The following MTNR1B variants were observed in gnomAD, a reference collection of about 807,000 sequenced individuals.
MTNR1B encodes melatonin receptor type 1B.
A neutral mutation model predicts 7.0 loss-of-function variants in MTNR1B; 7 were observed. The ratio of observed to expected loss-of-function variants is 1.00; its 90% confidence interval spans 0.57 to 1.88. The LOEUF is 1.88. Among genes scored for constraint, MTNR1B ranks in the 40% most tolerant of loss-of-function variants. The pLI is 0.00. For synonymous variants in MTNR1B, 226 were observed against 208.2 expected (o/e 1.09, Z -0.74); for missense variants, 478 against 486.5 (o/e 0.98, Z 0.16).
Position 92,982,045 on chromosome 11 carries a change from G to A in MTNR1B, c.822G>A (p.Val274=). The change falls in exon 2 of 2, where the codon GTG becomes GTA. Residue 274 remains valine, a synonymous_variant. Coordinates refer to ENST00000257068, the MANE Select transcript of MTNR1B (RefSeq NM_005959.5). ...WAPLNCIGLA[V]AINPQEMAPQ... is the part of the protein sequence containing the mutation. ...CACTTAACTGCATCGGCCTCGCTGT[G>A]GCCATCAACCCCCAAGAAATGGCTC... is the stretch of plus-strand genomic sequence containing the variant. 6.2e-7 allele frequency: 1 copy of A among 1,614,198 alleles called. No homozygotes were observed. The highest frequency in any genetic ancestry group is 1.1e-5 in the South Asian group (1 of 91,086).
At chr11:92,970,201 G>A (rs1038394331) in intron 1 of MTNR1B, among the ~76,000 whole-genome samples, 2 of 152,166 alleles carry the variant, frequency 1.3e-5, no homozygotes, top group Non-Finnish European at 2.9e-5. Context: ...GCGCTTTTTG[G>A]CCGGGCGCCG....
chr11:92,975,610 G>T (rs2136512442), intron 1 of MTNR1B, among the ~76,000 whole-genome samples: 2 of 152,300 alleles, frequency 1.3e-5, no homozygotes, highest in Middle Eastern at 3.4e-3. Flanking sequence ...CAGGTGCTTT[G>T]CTTCCCCGGT....
intron 1 of MTNR1B, among the ~76,000 whole-genome samples, chr11:92,974,774 T>C (rs1056213374): frequency 1.3e-5 from 2 of 152,160 alleles, no homozygotes; most frequent in Non-Finnish European, 2.9e-5. Flanking sequence ...GGCTAATTTT[T>C]TGTATTTTTA....
chr11:92,976,062 T>A (rs938969207), intron 1 of MTNR1B, among the ~76,000 whole-genome samples: 1 of 152,254 alleles, frequency 6.6e-6, no homozygotes, highest in Admixed American at 6.5e-5. Context: ...TTTAGCTGAA[T>A]AATCAGGAAA....
At chr11:92,976,664 C>G (rs959743711) in intron 1 of MTNR1B, among the ~76,000 whole-genome samples, 1 of 152,204 alleles carries the variant, frequency 6.6e-6, no homozygotes, top group Non-Finnish European at 1.5e-5. Context: ...AGAATTTGTT[C>G]TTGTTAATGT....
At chr11:92,972,597 G>A (rs1857949073) in intron 1 of MTNR1B, 1 of 454,334 alleles carries the variant, frequency 2.2e-6, no homozygotes, top group African/African-American at 2.0e-5. Context: ...AAAAGGTAAG[G>A]CCAAGTGTGT....
In MTNR1B at chr11:92,981,709, C is replaced by T; in HGVS notation, c.486C>T (p.Cys162=). ...GCTGGCACACCCCTCTGCACATCTG[C>T]CTCATCTGGCTCCTCACCGTGGTGG... is the stretch of plus-strand genomic sequence containing the variant. ...YRRWHTPLHI[C]LIWLLTVVAL... is the part of the protein sequence containing the mutation. Residue 162 remains cysteine (C), a synonymous_variant, in exon 2 of 2, where the codon TGC becomes TGT. Transcript: ENST00000257068. 1 of 1,614,222 alleles carries T rather than the reference C, an allele frequency of 6.2e-7. No homozygotes were observed. Among genetic ancestry groups the T allele is most frequent in the Non-Finnish European group, 8.5e-7 (1 of 1,180,040 alleles).
rs387906779 is a variant in MTNR1B at position 92,969,849 on chromosome 11, G to C, written c.124G>C (p.Ala42Pro). Reference sequence around the variant, plus strand: ...CCCTCGACCTCCCTGGGTGGCTCCAGCGCTGTCCGCGGTGCTCATCGTCAC... The same window carrying C: ...CCCTCGACCTCCCTGGGTGGCTCCACCGCTGTCCGCGGTGCTCATCGTCAC... The part of the protein sequence containing the change: ...RTPRPPWVAP[A>P]LSAVLIVTTA... Residue 42 changes from alanine (A) to proline (P), a missense_variant, in exon 1 of 2, where the codon GCG becomes CCG. Ala to Pro is a conservative substitution (Grantham distance 27). Transcript: ENST00000257068. 2 of 1,609,998 alleles carry C rather than the reference G, an allele frequency of 1.2e-6. No individual in the cohort carries two copies. Among genetic ancestry groups the C allele is most frequent in the Non-Finnish European group, 1.7e-6 (2 of 1,179,070 alleles).
Position 92,982,100 on chromosome 11 carries a change from A to G in MTNR1B, c.877A>G (p.Ser293Gly). Residue 293 changes from serine to glycine, a missense_variant, in exon 2 of 2, where the codon AGC (serine) becomes GGC (glycine). Physicochemically the swap from Ser to Gly is moderately conservative, Grantham distance 56 (BLOSUM62 0). Coordinates refer to ENST00000257068, the MANE Select transcript of MTNR1B (RefSeq NM_005959.5). Reference protein sequence around the residue: ...PQIPEGLFVTSYLLAYFNSCL... With the variant: ...PQIPEGLFVTGYLLAYFNSCL... ...GATCCCTGAGGGGCTATTTGTCACT[A>G]GCTACTTACTGGCTTATTTCAACAG... The G allele has an allele frequency of 1.2e-6, 2 of 1,614,158 alleles. No individual in the cohort carries two copies. Among genetic ancestry groups the G allele is most frequent in the Non-Finnish European group, 1.7e-6 (2 of 1,180,036 alleles).
intron 1 of MTNR1B, among the ~76,000 whole-genome samples, chr11:92,971,383 G>T (rs191251321): frequency 3.9e-4 from 59 of 152,312 alleles, no homozygotes; most frequent in African/African-American, 1.2e-3. Context: ...CTTCAGTAGT[G>T]GTGGCTGTTT....
downstream of MTNR1B, among the ~76,000 whole-genome samples, chr11:92,983,533 A>G (rs558899173): frequency 2.0e-4 from 30 of 152,044 alleles, no homozygotes; most frequent in Admixed American, 3.3e-4. Context: ...AAAAAAAAAA[A>G]AAGAAGAAGA....
At chr11:92,970,010 C>G (rs1013168575) in intron 1 of MTNR1B, 62 bp downstream of exon 1, 1 of 1,443,406 alleles carries the variant, frequency 6.9e-7, no homozygotes, top group Non-Finnish European at 9.2e-7. Context: ...CTGATCTTGT[C>G]CCTGACCCCG....
chr11:92,970,907 T>A (rs181697703), intron 1 of MTNR1B, among the ~76,000 whole-genome samples: 26 of 152,124 alleles, frequency 1.7e-4, no homozygotes, highest in African/African-American at 5.1e-4. Context: ...TTCTAAGGAG[T>A]CAGACCATTT....
At chr11:92,974,898 G>T (rs1226605337) in intron 1 of MTNR1B, among the ~76,000 whole-genome samples, 1 of 152,158 alleles carries the variant, frequency 6.6e-6, no homozygotes. Flanking sequence ...CACCGCGCCC[G>T]GCCTAATTTT....
intron 1 of MTNR1B, 132 bp downstream of exon 1, chr11:92,970,080 A>G (rs1857901174): frequency 8.1e-7 from 1 of 1,233,004 alleles, no homozygotes; most frequent in Non-Finnish European, 1.0e-6. Flanking sequence ...ACTCTAACCT[A>G]TTCCTTAAGT....
At chr11:92,981,061 T>A (rs1858095013) in intron 1 of MTNR1B, among the ~76,000 whole-genome samples, 1 of 152,144 alleles carries the variant, frequency 6.6e-6, no homozygotes, top group African/African-American at 2.4e-5. Flanking sequence ...ACTTTCAGAC[T>A]CTCCTCCTCC....
intron 1 of MTNR1B, chr11:92,972,556 G>A (rs1484500918): frequency 4.4e-6 from 2 of 455,968 alleles, no homozygotes; most frequent in East Asian, 1.4e-4. Flanking sequence ...GAGGCAAGGT[G>A]GGAGGTAGGG....
chr11:92,976,542 G>A (rs886984436), intron 1 of MTNR1B, among the ~76,000 whole-genome samples: 1 of 152,038 alleles, frequency 6.6e-6, no homozygotes, highest in East Asian at 1.9e-4. Flanking sequence ...GCCCTCCACT[G>A]TCCCCTATCA....
At chr11:92,970,332 T>A (rs921373691) in intron 1 of MTNR1B, among the ~76,000 whole-genome samples, 1 of 152,178 alleles carries the variant, frequency 6.6e-6, no homozygotes, top group Admixed American at 6.5e-5. Flanking sequence ...GACATCCCAC[T>A]TCCTTCCTTG....
Sources: gnomAD v4.1 joint callset for allele counts (sites outside exome capture counted in the v4.1 genomes callset) on GRCh38, gnomAD v4.1.1 for gene constraint, MANE v1.5 for transcripts, NCBI Gene and HGNC (gene_info 2026-07-23, HGNC 2026-07-21) for gene names.